Variants in DENND4C observed in about 807,000 individuals in gnomAD.
DENND4C encodes DENN domain-containing protein 4C.
Under a neutral mutation model 203.0 loss-of-function variants are expected in DENND4C, and 108 were observed. That is an observed-to-expected ratio of 0.53 (90% confidence interval 0.46 to 0.62). DENND4C has a LOEUF of 0.62. Ranked by LOEUF, DENND4C falls within the 20% of genes least tolerant of loss-of-function variation. The pLI, the probability that DENND4C is intolerant of heterozygous loss-of-function variation, is 0.00. For synonymous variants in DENND4C, 871 were observed against 792.4 expected (o/e 1.10, Z -1.67); for missense variants, 2,481 against 2,301.2 (o/e 1.08, Z -1.60).
intron 2 of DENND4C, among the ~76,000 whole-genome samples, chr9:19,280,216 C>T (rs1392325725): frequency 2.6e-5 from 4 of 151,818 alleles, no homozygotes; most frequent in African/African-American, 9.7e-5. Flanking sequence ...GTGGTGCGAT[C>T]TCGGCTCACT....
At chr9:19,277,033 G>T (rs1833020909) in intron 2 of DENND4C, among the ~76,000 whole-genome samples, 1 of 151,858 alleles carries the variant, frequency 6.6e-6, no homozygotes. Flanking sequence ...GCCTACAAAG[G>T]TCCACCCTTT....
chr9:19,330,300 C>T (rs796197485), intron 16 of DENND4C, among the ~76,000 whole-genome samples: 2 of 141,550 alleles, frequency 1.4e-5, no homozygotes, highest in African/African-American at 2.6e-5. Flanking sequence ...TCATGGAGAT[C>T]GAGCTCAAAA....
At chr9:19,256,158 C>G (rs1286016526) in intron 1 of DENND4C, among the ~76,000 whole-genome samples, 1 of 151,348 alleles carries the variant, frequency 6.6e-6, no homozygotes, top group Non-Finnish European at 1.5e-5. Flanking sequence ...TTGGGTTATA[C>G]AAAGTACATT....
chr9:19,292,384 A>G (rs1836524195), intron 5 of DENND4C: 1 of 152,060 alleles, frequency 6.6e-6, no homozygotes, highest in East Asian at 1.9e-4. Context: ...GAGACAAAAC[A>G]ACTAGAGAGA....
At chr9:19,259,001 G>C (rs1268066705) in intron 1 of DENND4C, among the ~76,000 whole-genome samples, 3 of 152,008 alleles carry the variant, frequency 2.0e-5, no homozygotes, top group African/African-American at 7.2e-5. Context: ...TATATTTATG[G>C]GATACATGAG....
intron 16 of DENND4C, among the ~76,000 whole-genome samples, chr9:19,330,458 G>T (rs1451976842): frequency 2.7e-5 from 4 of 148,002 alleles, no homozygotes; most frequent in African/African-American, 1.0e-4. Context: ...TCCTGCCTCA[G>T]CCTCCTGAAT....
chr9:19,342,324 G>T (rs1243816267), intron 21 of DENND4C, among the ~76,000 whole-genome samples: 1 of 152,056 alleles, frequency 6.6e-6, no homozygotes, highest in Admixed American at 6.6e-5. Context: ...CAGAGTTATG[G>T]AGAAACAAGC....
chr9:19,299,825 A>G (rs1166335758), intron 8 of DENND4C, among the ~76,000 whole-genome samples: 1 of 152,282 alleles, frequency 6.6e-6, no homozygotes, highest in Non-Finnish European at 1.5e-5. Context: ...TTCCCTTACT[A>G]TGCTTTAGTC....
At position 19,351,814 on chromosome 9, in the gene DENND4C, A is replaced by T. The variant is rs1049257749; in HGVS notation, c.4496-259A>T. Among the ~76,000 whole-genome samples, 7 of 147,740 alleles carry T rather than the reference A, an allele frequency of 4.7e-5. 1 individual carries two copies. In the South Asian group the frequency reaches 1.5e-3, roughly 31 times the overall value. Reference sequence around the variant, plus strand: ...AGAGCGAGACTCCATCTAAAAAAAAAAAAAAGAAAAGAAAAAAAAATTTCA... The same window carrying T: ...AGAGCGAGACTCCATCTAAAAAAAATAAAAAGAAAAGAAAAAAAAATTTCA... On this transcript the variant is annotated intron_variant, in intron 24 of 32. Transcript: ENST00000434457.
At chr9:19,340,882 C>A in intron 20 of DENND4C, 110 bp from the exon 21 acceptor site, 1 of 974,264 alleles carries the variant, frequency 1.0e-6, no homozygotes, top group Non-Finnish European at 1.4e-6. Context: ...TCTTGTCTTC[C>A]TTTTGTCTAA....
At chr9:19,366,253 A>G (rs931069779) in intron 30 of DENND4C, among the ~76,000 whole-genome samples, 8 of 152,264 alleles carry the variant, frequency 5.3e-5, no homozygotes, top group African/African-American at 1.7e-4. Flanking sequence ...AGTTCCAGAA[A>G]TAAACCCTCA....
chr9:19,296,008 G>A lies in DENND4C; in HGVS notation c.802G>A (p.Val268Ile), dbSNP rs1333956619. Residue 268 changes from valine (V) to isoleucine (I), a missense_variant and splice_region_variant, in exon 6 of 33, where the codon GTA (valine) becomes ATA (isoleucine). Transcript: ENST00000434457. ...FVLTGSSAKK[V>I]YGAAIQFYEP... The stretch of plus-strand genomic sequence containing the variant: ...ATAACAGAATTCTGTTACTCTTTAG[G>A]TATATGGAGCTGCCATTCAGTTTTA... 5 of 1,605,316 alleles carry A rather than the reference G, an allele frequency of 3.1e-6. No individual in the cohort carries two copies. The highest frequency in any genetic ancestry group is 1.1e-5 in the South Asian group (1 of 90,750).
Position 19,290,740 on chromosome 9 carries a change from C to G in DENND4C, c.665C>G (p.Ser222Ter). Reference protein sequence around the residue: ...IFRYPEEDYESFPLSESDVPL... With the variant: ...IFRYPEEDYE ...AGATATCCAGAAGAGGACTATGAGTCATTTCCACTCTCAGAATCAGATGTA... is the reference window on the plus strand; with the variant it reads ...AGATATCCAGAAGAGGACTATGAGTGATTTCCACTCTCAGAATCAGATGTA... Residue 222 changes from serine (S) to a stop codon, truncating the protein, a stop_gained, in exon 5 of 33, where the codon TCA becomes TGA. Coordinates refer to ENST00000434457, the MANE Select transcript of DENND4C (RefSeq NM_001330640.2). LOFTEE classifies it high-confidence loss of function. 1 of 1,563,982 alleles carries G rather than the reference C, an allele frequency of 6.4e-7. No homozygotes were observed. Among genetic ancestry groups the G allele is most frequent in the South Asian group, 1.2e-5 (1 of 83,354 alleles).
At chr9:19,310,272 T>C (rs1231805937) in intron 10 of DENND4C, among the ~76,000 whole-genome samples, 1 of 152,260 alleles carries the variant, frequency 6.6e-6, no homozygotes, top group African/African-American at 2.4e-5. Context: ...ATCGCTAGTG[T>C]AATGTTGAAC....
chr9:19,336,198 C>T, intron 18 of DENND4C, 72 bp from the exon 19 acceptor site: 3 of 1,316,638 alleles, frequency 2.3e-6, no homozygotes, highest in Non-Finnish European at 3.1e-6. Context: ...CATACACACA[C>T]ACATATATGT....
At chr9:19,353,176 C>G (rs959360643) in intron 26 of DENND4C, among the ~76,000 whole-genome samples, 3 of 152,140 alleles carry the variant, frequency 2.0e-5, no homozygotes, top group African/African-American at 7.2e-5. Flanking sequence ...GTGAAATGAC[C>G]AAATTCTAGG....
At chr9:19,270,668 T>C (rs1303850848) in intron 1 of DENND4C, among the ~76,000 whole-genome samples, 1 of 152,192 alleles carries the variant, frequency 6.6e-6, no homozygotes, top group Non-Finnish European at 1.5e-5. Context: ...GTGATGAACA[T>C]ATTTGTCTAT....
chr9:19,353,628 T>C (rs66464310), intron 26 of DENND4C, among the ~76,000 whole-genome samples: 7,201 of 151,712 alleles, frequency 0.047, 544 homozygotes, highest in African/African-American at 0.16. Context: ...ACTCTGTCTC[T>C]GAAAAAACAA....
intron 10 of DENND4C, 31 bp downstream of exon 10, chr9:19,305,558 T>C (rs781183320): frequency 6.3e-7 from 1 of 1,580,646 alleles, no homozygotes; most frequent in East Asian, 2.2e-5. Context: ...TTATCTCCCA[T>C]TTATATTTTT....
Sources: allele counts gnomAD v4.1 joint callset (sites outside exome capture counted in the v4.1 genomes callset), GRCh38; gene constraint gnomAD v4.1.1; transcripts MANE v1.5; gene names NCBI Gene and HGNC (gene_info 2026-07-23, HGNC 2026-07-21).